Variants in SOX6 observed in about 807,000 individuals in gnomAD.
SOX6 encodes the protein SRY-box transcription factor 6.
Under a neutral mutation model 97.8 loss-of-function variants are expected in SOX6, and 11 were observed. The observed-to-expected ratio is 0.11, with a 90% CI of 0.07 to 0.19. The LOEUF (loss-of-function observed/expected upper bound fraction) is 0.19. Among genes scored for constraint, SOX6 ranks in the 10% least tolerant of loss-of-function variants. The pLI, the probability that SOX6 is intolerant of heterozygous loss-of-function variation, is 1.00. For missense variants in SOX6, 810 were observed against 1,039.5 expected, an observed-to-expected ratio of 0.78 and a Z score of 3.04; for synonymous variants, 360 against 371.4, an observed-to-expected ratio of 0.97 and a Z score of 0.35.
intron 3 of SOX6, chr11:16,312,452 A>C (rs1003948872): frequency 1.3e-5 from 2 of 152,186 alleles, no homozygotes; most frequent in African/African-American, 4.8e-5. Flanking sequence ...AGTATGATAC[A>C]CAAGACATGA....
At chr11:16,259,605 T>A (rs1853810201) in intron 3 of SOX6, among the ~76,000 whole-genome samples, 2 of 152,082 alleles carry the variant, frequency 1.3e-5, no homozygotes, top group African/African-American at 2.4e-5. Flanking sequence ...AGAACAAATA[T>A]CTGCTACAAC....
In SOX6 at chr11:16,732,016, G is replaced by C. The variant is rs144472707; in HGVS notation, n.353+4323C>G. On this transcript the variant is annotated intron_variant and non_coding_transcript_variant, in intron 2 of 5. Transcript: ENST00000524520. Reference sequence around the variant, plus strand: ...TGCTACAAAGAGAATAAAATACCCAGGAATACAACTTAGAATTGATGTGAA... The same window carrying C: ...TGCTACAAAGAGAATAAAATACCCACGAATACAACTTAGAATTGATGTGAA... Among the ~76,000 whole-genome samples the C allele has an allele frequency of 6.9e-3, 1,045 of 152,178 alleles. 14 individuals are homozygous for C. The highest frequency in any genetic ancestry group is 0.023 in the African/African-American group (942 of 41,510).
At chr11:16,573,565 G>A (rs1439598759) in intron 4 of SOX6, among the ~76,000 whole-genome samples, 2 of 152,084 alleles carry the variant, frequency 1.3e-5, no homozygotes, top group African/African-American at 4.8e-5. Flanking sequence ...ATATATATGT[G>A]TTACCAAACT....
chr11:16,052,426 A>T lies in SOX6; in HGVS notation c.1252-2488T>A, dbSNP rs79283803. Among the ~76,000 whole-genome samples the T allele has an allele frequency of 1.6e-4, 25 of 152,310 alleles. No homozygotes were observed. The East Asian group carries it at 4.8e-3, about 29-fold the overall frequency. On this transcript the variant is annotated intron_variant, in intron 10 of 15. Coordinates refer to ENST00000683767, the MANE Select transcript of SOX6 (RefSeq NM_001367873.1). ...ACTTTGGTCATTTTTAAGAATGCCA[A>T]AATGACTGTTTTTGTCAGTTTTGTC...
chr11:16,318,706 T>G, intron 2 of SOX6, 53 bp from the exon 3 acceptor site: 185 of 1,452,274 alleles, frequency 1.3e-4, no homozygotes, highest in Non-Finnish European at 1.6e-4. Flanking sequence ...CTTTGCATGC[T>G]ACTGGAGAAA....
intron 1 of SOX6, among the ~76,000 whole-genome samples, chr11:16,365,277 G>T (rs1289847709): frequency 7.5e-6 from 1 of 132,582 alleles, no homozygotes; most frequent in Non-Finnish European, 1.6e-5. Context: ...CAGATAAACA[G>T]GGAAGTACTG....
At position 15,972,614 on chromosome 11, in the gene SOX6, AT is replaced by A; in HGVS notation, c.*194del. ...AATTAAAAAAACAACAACAACAACAATAACAATAACAACAAAAAACTCAAGT... is the reference window on the plus strand; with the variant it reads ...AATTAAAAAAACAACAACAACAACAAAACAATAACAACAAAAAACTCAAGT... On this transcript the variant is annotated 3_prime_UTR_variant, in exon 16 of 16. Transcript: ENST00000683767. 1.6e-6 allele frequency: 1 copy of A among 621,918 alleles called. No individual in the cohort carries two copies. The highest frequency in any genetic ancestry group is 2.8e-6 in the Non-Finnish European group (1 of 359,250). 38.5% of individuals were successfully genotyped at this position (621,918 alleles called of 1,614,324 possible). A position where few individuals can be genotyped will look rare whatever the true frequency, so the allele number is the denominator to read the frequency against.
chr11:16,207,276 G>A (rs1301882040), intron 4 of SOX6, among the ~76,000 whole-genome samples: 1 of 152,098 alleles, frequency 6.6e-6, no homozygotes, highest in Non-Finnish European at 1.5e-5. Context: ...TGATAGCTAG[G>A]AATATTATGC....
At chr11:15,978,647 C>A (rs1022831182) in intron 15 of SOX6, among the ~76,000 whole-genome samples, 1 of 150,746 alleles carries the variant, frequency 6.6e-6, no homozygotes, top group African/African-American at 2.4e-5. Flanking sequence ...CATCTAATTC[C>A]ATGGCTTTAA....
chr11:16,125,549 A>G (rs1052969914), intron 6 of SOX6, among the ~76,000 whole-genome samples: 3 of 152,048 alleles, frequency 2.0e-5, no homozygotes, highest in Non-Finnish European at 4.4e-5. Flanking sequence ...GGGATTTCCA[A>G]GGTATAGTCC....
chr11:16,163,518 A>C (rs1850808938), intron 6 of SOX6, among the ~76,000 whole-genome samples: 1 of 152,244 alleles, frequency 6.6e-6, no homozygotes, highest in African/African-American at 2.4e-5. Flanking sequence ...ACAATGGTCT[A>C]AACCAGGCTT....
At chr11:16,711,955 A>G (rs1037068504) in intron 3 of SOX6, among the ~76,000 whole-genome samples, 3 of 152,148 alleles carry the variant, frequency 2.0e-5, no homozygotes, top group Non-Finnish European at 4.4e-5. Context: ...CATATCAGTG[A>G]GAACAGATGA....
intron 13 of SOX6, among the ~76,000 whole-genome samples, chr11:15,996,906 A>T (rs1326980195): frequency 6.6e-6 from 1 of 152,186 alleles, no homozygotes; most frequent in Non-Finnish European, 1.5e-5. Context: ...TCAATGAAAC[A>T]GAAAACAGAT....
chr11:16,054,906 T>C (rs1295610879), intron 10 of SOX6, among the ~76,000 whole-genome samples: 1 of 152,182 alleles, frequency 6.6e-6, no homozygotes, highest in Non-Finnish European at 1.5e-5. Flanking sequence ...AAAATTGCAG[T>C]GGCTCATCAA....
At chr11:16,692,873 G>A (rs544072467) in intron 3 of SOX6, among the ~76,000 whole-genome samples, 9 of 152,048 alleles carry the variant, frequency 5.9e-5, no homozygotes, top group African/African-American at 1.9e-4. Context: ...GCATAAAATT[G>A]CATCATATCA....
At chr11:16,024,261 TG>T (rs1271370836) in intron 12 of SOX6, among the ~76,000 whole-genome samples, 3 of 152,114 alleles carry the variant, frequency 2.0e-5, no homozygotes, top group Non-Finnish European at 4.4e-5. Context: ...CAGGCAGTAC[TG>T]TGAGAAAATG....
chr11:16,164,650 G>A (rs967862030), intron 6 of SOX6, among the ~76,000 whole-genome samples: 55 of 151,962 alleles, frequency 3.6e-4, no homozygotes, highest in African/African-American at 1.2e-3. Flanking sequence ...GTAAAACCCC[G>A]TCTCTACTAA....
At chr11:16,193,035 A>G (rs1851671503) in intron 4 of SOX6, among the ~76,000 whole-genome samples, 1 of 152,232 alleles carries the variant, frequency 6.6e-6, no homozygotes, top group Non-Finnish European at 1.5e-5. Context: ...TTCATTAAAT[A>G]GATATTCTCT....
In SOX6 at chr11:16,216,764, G is replaced by A. The variant is rs77500335; in HGVS notation, c.535+17818C>T. On this transcript the variant is annotated intron_variant, in intron 4 of 15. Transcript: ENST00000683767. ...TCAAAAAATGGCCCAGGTACAGAGA[G>A]CCATGTCAGATAGTGGTGATTCCCC... is the stretch of plus-strand genomic sequence containing the variant. 8.9e-4 allele frequency among the ~76,000 whole-genome samples: 136 copies of A among 152,230 alleles called. 1 individual carries two copies. Among genetic ancestry groups the A allele is most frequent in the African/African-American group, 3.1e-3 (129 of 41,546 alleles).
Sources: allele counts gnomAD v4.1 joint callset (sites outside exome capture counted in the v4.1 genomes callset), GRCh38; gene constraint gnomAD v4.1.1; transcripts MANE v1.5; gene names NCBI Gene and HGNC (gene_info 2026-07-23, HGNC 2026-07-21).